SYT1: variants seen among roughly 807,000 people sequenced by gnomAD.
The protein encoded by SYT1 is synaptotagmin-1.
SYT1 carries 8 observed loss-of-function variants against 44.8 expected under a neutral mutation model. The ratio of observed to expected loss-of-function variants is 0.18; its 90% confidence interval spans 0.10 to 0.32. The LOEUF (loss-of-function observed/expected upper bound fraction) is 0.32, where lower values mean the gene tolerates loss of function less well. Ranked by LOEUF, SYT1 falls within the 10% of genes least tolerant of loss-of-function variation. SYT1 has a pLI of 1.00. For synonymous variants in SYT1, 154 were observed against 188.8 expected, an observed-to-expected ratio of 0.82 and a Z score of 1.51; for missense variants, 286 against 509.3, an observed-to-expected ratio of 0.56 and a Z score of 4.22.
chr12:79,276,686 CA>C, intron 4 of SYT1, among the ~76,000 whole-genome samples: 1 of 145,220 alleles, frequency 6.9e-6, no homozygotes, highest in South Asian at 2.2e-4. Context: ...AAAAAAAAAA[CA>C]AAAAAACCAG....
At chr12:79,016,776 G>C in intron 2 of SYT1, among the ~76,000 whole-genome samples, 1 of 152,016 alleles carries the variant, frequency 6.6e-6, no homozygotes. Flanking sequence ...ATCTGCATTT[G>C]GTCTCCCATT....
chr12:78,980,036 G>C (rs1368421090), intron 2 of SYT1, among the ~76,000 whole-genome samples: 1 of 151,914 alleles, frequency 6.6e-6, no homozygotes, highest in Non-Finnish European at 1.5e-5. Context: ...TGAATTCTTT[G>C]GGCTGAGATT....
intron 3 of SYT1, among the ~76,000 whole-genome samples, chr12:79,149,043 A>G (rs113423417): frequency 7.9e-5 from 12 of 152,130 alleles, no homozygotes; most frequent in African/African-American, 2.9e-4. Context: ...AATAAGTATA[A>G]GAACATTACT....
chr12:79,275,364 C>T (rs1424948480), intron 4 of SYT1, among the ~76,000 whole-genome samples: 1 of 152,078 alleles, frequency 6.6e-6, no homozygotes. Flanking sequence ...TGTGAAAACT[C>T]AGTGAGAGTG....
intron 1 of SYT1, among the ~76,000 whole-genome samples, chr12:78,967,679 AT>A: frequency 6.6e-6 from 1 of 152,170 alleles, no homozygotes; most frequent in East Asian, 1.9e-4. Context: ...GCAGATAGCC[AT>A]CAGTGGGAAA....
chr12:79,180,475 T>A (rs1178876184), intron 3 of SYT1, among the ~76,000 whole-genome samples: 1 of 68,648 alleles, frequency 1.5e-5, no homozygotes, highest in Non-Finnish European at 2.9e-5. Flanking sequence ...TAATTTATTT[T>A]CTTTTTTTTT....
At chr12:79,090,172 C>G (rs1877673585) in intron 3 of SYT1, among the ~76,000 whole-genome samples, 1 of 152,000 alleles carries the variant, frequency 6.6e-6, no homozygotes, top group Non-Finnish European at 1.5e-5. Context: ...ATCTTTTCTA[C>G]TTGAAAACAC....
At chr12:78,929,591 CAA>C (rs978018894) in intron 1 of SYT1, among the ~76,000 whole-genome samples, 1 of 151,546 alleles carries the variant, frequency 6.6e-6, no homozygotes, top group African/African-American at 2.4e-5. Flanking sequence ...TAGAGATTTT[CAA>C]AAGACAAATT....
At chr12:79,227,929 T>C (rs1373423467) in intron 4 of SYT1, among the ~76,000 whole-genome samples, 3 of 152,118 alleles carry the variant, frequency 2.0e-5, no homozygotes, top group African/African-American at 4.8e-5. Context: ...TCCGGAAACT[T>C]TGCAGCCAAA....
intron 1 of SYT1, among the ~76,000 whole-genome samples, chr12:78,893,602 G>C (rs115547530): frequency 1.9e-3 from 286 of 151,540 alleles, no homozygotes; most frequent in African/African-American, 6.4e-3. Flanking sequence ...TCTTCTATTT[G>C]AATAAAATTT....
chr12:78,917,679 C>T (rs1876747255), intron 1 of SYT1, among the ~76,000 whole-genome samples: 1 of 151,538 alleles, frequency 6.6e-6, no homozygotes, highest in African/African-American at 2.4e-5. Context: ...GTTAACACCC[C>T]TTGCTGCCCA....
At chr12:79,340,891 C>G (rs1485965867) in intron 8 of SYT1, among the ~76,000 whole-genome samples, 1 of 152,202 alleles carries the variant, frequency 6.6e-6, no homozygotes, top group African/African-American at 2.4e-5. Flanking sequence ...CTACTCTCCA[C>G]TAAAAAGTCA....
At chr12:78,967,924 A>G (rs922839380) in intron 1 of SYT1, among the ~76,000 whole-genome samples, 7 of 152,168 alleles carry the variant, frequency 4.6e-5, no homozygotes. Context: ...TGAAACAAAG[A>G]GTGAAAAGAA....
chr12:79,312,225 C>T (rs1342933717), intron 8 of SYT1, among the ~76,000 whole-genome samples: 4 of 151,926 alleles, frequency 2.6e-5, no homozygotes, highest in East Asian at 1.9e-4. Context: ...ATTATTAAAT[C>T]GATTTGTAAA....
chr12:79,306,136 C>A (rs1880387253), intron 8 of SYT1, among the ~76,000 whole-genome samples: 1 of 152,204 alleles, frequency 6.6e-6, no homozygotes. Flanking sequence ...TTAGGCCCAG[C>A]ACATTGCACT....
chr12:79,272,939 A>G (rs138476103), intron 4 of SYT1, among the ~76,000 whole-genome samples: 289 of 152,296 alleles, frequency 1.9e-3, no homozygotes, highest in African/African-American at 5.5e-3. Flanking sequence ...GCTATTCATT[A>G]TCTTTTGGAG....
intron 2 of SYT1, among the ~76,000 whole-genome samples, chr12:79,008,773 G>T (rs1364984965): frequency 1.3e-5 from 2 of 152,014 alleles, no homozygotes; most frequent in Non-Finnish European, 2.9e-5. Context: ...CCTGCTTTTT[G>T]CTAGCCTTGT....
chr12:78,874,036 T>C (rs954691908), intron 1 of SYT1, among the ~76,000 whole-genome samples: 1 of 151,604 alleles, frequency 6.6e-6, no homozygotes, highest in African/African-American at 2.4e-5. Flanking sequence ...TTAAGGGAGA[T>C]ATTTGAATGA....
chr12:79,389,085 C>T (rs1884553145), intron 9 of SYT1, among the ~76,000 whole-genome samples: 1 of 152,190 alleles, frequency 6.6e-6, no homozygotes, highest in Non-Finnish European at 1.5e-5. Flanking sequence ...CATAGGTACT[C>T]TCTCTCTACT....
Sources: gnomAD v4.1 joint callset for allele counts (sites outside exome capture counted in the v4.1 genomes callset) on GRCh38, gnomAD v4.1.1 for gene constraint, MANE v1.5 for transcripts, NCBI Gene and HGNC (gene_info 2026-07-23, HGNC 2026-07-21) for gene names.